NRXN1: variants seen among roughly 807,000 people sequenced by gnomAD.
The protein encoded by NRXN1 is neurexin-1.
In NRXN1, 39 loss-of-function variants were observed where a neutral mutation model predicts 150.9. The observed-to-expected ratio is 0.26, with a 90% CI of 0.20 to 0.34. The LOEUF (loss-of-function observed/expected upper bound fraction) is 0.34, where lower values mean the gene tolerates loss of function less well. Ranked by LOEUF, NRXN1 falls within the 10% of genes least tolerant of loss-of-function variation. The pLI is 1.00. For missense variants in NRXN1, 1,815 were observed against 1,949.9 expected (o/e 0.93, Z 1.30); for synonymous variants, 924 against 757.0 (o/e 1.22, Z -3.62).
At chr2:50,586,434 T>G (rs2103730402) in intron 8 of NRXN1, among the ~76,000 whole-genome samples, 1 of 152,254 alleles carries the variant, frequency 6.6e-6, no homozygotes, top group South Asian at 2.1e-4. Context: ...TAGTACAAGC[T>G]CTATAAAGGT....
intron 21 of NRXN1, among the ~76,000 whole-genome samples, chr2:50,010,097 T>G (rs1685413571): frequency 6.6e-6 from 1 of 152,092 alleles, no homozygotes; most frequent in South Asian, 2.1e-4. Flanking sequence ...AAACCAGGCT[T>G]TAATTTACCA....
chr2:50,414,364 A>G (rs1313924289), intron 17 of NRXN1, among the ~76,000 whole-genome samples: 8 of 151,748 alleles, frequency 5.3e-5, no homozygotes, highest in Admixed American at 2.6e-4. Flanking sequence ...ATACTGACAA[A>G]AAAATTATAA....
At chr2:50,998,534 G>A (rs572672512) in intron 2 of NRXN1, among the ~76,000 whole-genome samples, 2 of 151,934 alleles carry the variant, frequency 1.3e-5, no homozygotes, top group East Asian at 3.9e-4. Flanking sequence ...ATTCTATTAG[G>A]TCTTCAAAAA....
intron 2 of NRXN1, among the ~76,000 whole-genome samples, chr2:50,992,855 C>T (rs1181357182): frequency 6.6e-6 from 1 of 151,732 alleles, no homozygotes; most frequent in African/African-American, 2.4e-5. Context: ...ACTGATGGGT[C>T]AATATAACAT....
At chr2:50,580,988 T>C (rs1436168541) in intron 8 of NRXN1, among the ~76,000 whole-genome samples, 1 of 152,136 alleles carries the variant, frequency 6.6e-6, no homozygotes, top group Non-Finnish European at 1.5e-5. Flanking sequence ...AATGTAACAA[T>C]TCCTTTAAAA....
At chr2:50,442,728 G>T (rs2086070931) in intron 17 of NRXN1, among the ~76,000 whole-genome samples, 1 of 152,128 alleles carries the variant, frequency 6.6e-6, no homozygotes, top group Non-Finnish European at 1.5e-5. Context: ...TTGGACGAGG[G>T]ATATTAAGTG....
chr2:50,936,143 T>C (rs1306118673), intron 2 of NRXN1, among the ~76,000 whole-genome samples: 2 of 152,120 alleles, frequency 1.3e-5, no homozygotes, highest in Non-Finnish European at 2.9e-5. Context: ...AAACTAAGTA[T>C]TGAGAAGGAA....
At chr2:49,980,570 T>C (rs369611289) in intron 21 of NRXN1, among the ~76,000 whole-genome samples, 3 of 152,096 alleles carry the variant, frequency 2.0e-5, no homozygotes, top group African/African-American at 4.8e-5. Context: ...GTTTCCCATA[T>C]TGAGTTAGAT....
At chr2:50,538,217 C>T (rs1446779608) in intron 10 of NRXN1, 36 bp downstream of exon 10, 2 of 1,584,062 alleles carry the variant, frequency 1.3e-6, no homozygotes, top group Non-Finnish European at 1.7e-6. Context: ...AACTTTTCAT[C>T]TCAGGGAGTT....
intron 17 of NRXN1, among the ~76,000 whole-genome samples, chr2:50,356,301 G>C (rs2078812264): frequency 6.6e-6 from 1 of 152,096 alleles, no homozygotes; most frequent in South Asian, 2.1e-4. Flanking sequence ...ACTTCTAGTA[G>C]CTCAATTCAA....
intron 18 of NRXN1, among the ~76,000 whole-genome samples, chr2:50,210,804 G>A (rs893559679): frequency 6.6e-6 from 1 of 151,072 alleles, no homozygotes; most frequent in African/African-American, 2.4e-5. Flanking sequence ...TAATTTTATT[G>A]ATATTTATAT....
intron 8 of NRXN1, among the ~76,000 whole-genome samples, chr2:50,598,562 ATG>A (rs138387519): frequency 0.26 from 38,356 of 147,134 alleles, 5,119 homozygotes; most frequent in Admixed American, 0.31. Context: ...GTATATATAT[ATG>A]TGTGTGTGTG....
At chr2:50,436,246 G>A (rs1172934342) in intron 17 of NRXN1, among the ~76,000 whole-genome samples, 1 of 152,106 alleles carries the variant, frequency 6.6e-6, no homozygotes, top group Admixed American at 6.5e-5. Flanking sequence ...CAGAGGTCGG[G>A]AGTTCGACAC....
chr2:50,678,585 G>A (rs1024137833), intron 5 of NRXN1, among the ~76,000 whole-genome samples: 11 of 152,218 alleles, frequency 7.2e-5, no homozygotes, highest in South Asian at 6.2e-4. Context: ...TCTCGGCACC[G>A]TTGACATTTG....
chr2:50,435,022 C>A (rs2085307455), intron 17 of NRXN1, among the ~76,000 whole-genome samples: 1 of 151,692 alleles, frequency 6.6e-6, no homozygotes, highest in African/African-American at 2.4e-5. Flanking sequence ...TATTTTTTTT[C>A]AAAATGCAAA....
At chr2:50,439,449 T>C (rs900597639) in intron 17 of NRXN1, among the ~76,000 whole-genome samples, 4 of 152,142 alleles carry the variant, frequency 2.6e-5, no homozygotes, top group Admixed American at 2.6e-4. Flanking sequence ...ATACATGCAG[T>C]AGCAGTTCTG....
chr2:50,206,630 C>A (rs1266735074), intron 18 of NRXN1, among the ~76,000 whole-genome samples: 1 of 152,010 alleles, frequency 6.6e-6, no homozygotes, highest in East Asian at 1.9e-4. Context: ...TCCCAAGGAG[C>A]TGACATTATG....
At chr2:50,929,513 GA>G (rs1260337142) in intron 2 of NRXN1, among the ~76,000 whole-genome samples, 1 of 151,884 alleles carries the variant, frequency 6.6e-6, no homozygotes, top group Non-Finnish European at 1.5e-5. Context: ...AGATGCCTGT[GA>G]CTGGCTCCCC....
At chr2:49,954,403 T>C (rs949825643) in intron 21 of NRXN1, among the ~76,000 whole-genome samples, 5 of 152,262 alleles carry the variant, frequency 3.3e-5, no homozygotes, top group Admixed American at 2.0e-4. Context: ...TCAGGGATAC[T>C]TGAGCTCTCT....
Sources: allele counts gnomAD v4.1 joint callset (sites outside exome capture counted in the v4.1 genomes callset), GRCh38; gene constraint gnomAD v4.1.1; transcripts MANE v1.5; gene names NCBI Gene and HGNC (gene_info 2026-07-23, HGNC 2026-07-21).